Variants in DHX57 observed in about 807,000 individuals in gnomAD.
The protein encoded by DHX57 is putative ATP-dependent RNA helicase DHX57.
DHX57 carries 105 observed loss-of-function variants against 156.2 expected under a neutral mutation model. That is an observed-to-expected ratio of 0.67 (90% CI 0.57 to 0.79). The LOEUF (loss-of-function observed/expected upper bound fraction) is 0.79, where lower values mean the gene tolerates loss of function less well. DHX57 is among the 30% of genes least tolerant of loss of function. The pLI, the probability that DHX57 is intolerant of heterozygous loss-of-function variation, is 0.00. For synonymous variants in DHX57, 704 were observed against 595.6 expected (o/e 1.18, Z -2.65); for missense variants, 1,847 against 1,661.9 (o/e 1.11, Z -1.94).
rs566692609 is a variant in DHX57 at position 38,798,683 on chromosome 2, C to T, written c.4018-241G>A. Among the ~76,000 whole-genome samples, 8 of 152,308 alleles carry T rather than the reference C, an allele frequency of 5.3e-5. No individual in the cohort carries two copies. The East Asian group carries it at 9.6e-4, about 18-fold the overall frequency. On this transcript the variant is annotated intron_variant, in intron 23 of 23. Transcript: ENST00000457308. ...GATTCGGGCCAGGCGCAGTGGCTCA[C>T]GCCTGTAATCCCAGCACTTTGGGAG...
intron 19 of DHX57, chr2:38,816,037 T>C (rs1670531200): frequency 4.6e-6 from 2 of 435,898 alleles, no homozygotes; most frequent in Middle Eastern, 3.4e-4. Flanking sequence ...GCTGCGGCAC[T>C]GTCTACTACC....
chr2:38,860,942 G>T, intron 5 of DHX57, 57 bp downstream of exon 5: 2 of 1,485,606 alleles, frequency 1.3e-6, no homozygotes, highest in South Asian at 2.5e-5. Context: ...TAAAGGCTTT[G>T]ACTTCTAAAC....
intron 11 of DHX57, among the ~76,000 whole-genome samples, chr2:38,844,043 T>A (rs965643998): frequency 2.0e-5 from 3 of 152,096 alleles, no homozygotes; most frequent in East Asian, 1.9e-4. Context: ...TGTAGCTTTT[T>A]AAAAAAAAGA....
intron 14 of DHX57, among the ~76,000 whole-genome samples, chr2:38,827,110 G>A (rs1671123811): frequency 6.6e-6 from 1 of 151,154 alleles, no homozygotes; most frequent in Non-Finnish European, 1.5e-5. Context: ...CAGCTTGGGC[G>A]ACAATAGTGA....
At chr2:38,857,027 T>G (rs1467353630) in intron 6 of DHX57, 1 of 153,620 alleles carries the variant, frequency 6.5e-6, no homozygotes, top group Non-Finnish European at 1.5e-5. Context: ...TATCCAGTTC[T>G]TCCCAACAAG....
intron 6 of DHX57, chr2:38,856,868 A>G (rs766207259): frequency 2.0e-5 from 3 of 153,590 alleles, no homozygotes; most frequent in African/African-American, 7.3e-5. Flanking sequence ...CCTTTGTTGG[A>G]TTTGTTGGGA....
At position 38,825,986 on chromosome 2, in the gene DHX57, G is replaced by C. The variant is rs760596871; in HGVS notation, c.2875C>G (p.Leu959Val). Residue 959 changes from leucine to valine, a missense_variant, in exon 16 of 24, where the codon CTA becomes GTA. Transcript: ENST00000457308. ...EDTFVSQANA[L>V]QRKGRAGRVA... is the part of the protein sequence containing the mutation. ...CGGCCTGCTCGGCCTTTCCTTTGTA[G>C]AGCATTAGCTTGAGATACAAAGGTG... 1.2e-6 allele frequency: 2 copies of C among 1,614,198 alleles called. No individual in the cohort carries two copies. Among genetic ancestry groups the C allele is most frequent in the South Asian group, 1.1e-5 (1 of 91,082 alleles).
chr2:38,817,712 T>C (rs1321686562), intron 19 of DHX57, among the ~76,000 whole-genome samples: 2 of 152,120 alleles, frequency 1.3e-5, no homozygotes, highest in African/African-American at 4.8e-5. Flanking sequence ...ATTTTTATTT[T>C]TTGAGGCAGG....
intron 3 of DHX57, 98 bp downstream of exon 3, chr2:38,863,263 G>T: frequency 8.0e-7 from 1 of 1,253,392 alleles, no homozygotes; most frequent in South Asian, 1.6e-5. Flanking sequence ...GGCCACAATA[G>T]AATCAGTACT....
chr2:38,871,872 T>G (rs897346436), intron 1 of DHX57, among the ~76,000 whole-genome samples: 1 of 152,018 alleles, frequency 6.6e-6, no homozygotes, highest in Non-Finnish European at 1.5e-5. Flanking sequence ...GGCTAAGTTT[T>G]TGTTTTTTTG....
At chr2:38,866,950 C>T (rs757551025) in intron 2 of DHX57, among the ~76,000 whole-genome samples, 1 of 152,204 alleles carries the variant, frequency 6.6e-6, no homozygotes, top group African/African-American at 2.4e-5. Flanking sequence ...CCTTCACATT[C>T]ACTCACCACT....
At chr2:38,867,153 G>C (rs748044936) in intron 2 of DHX57, 3 of 152,186 alleles carry the variant, frequency 2.0e-5, no homozygotes, top group African/African-American at 7.2e-5. Context: ...GCAACATGCT[G>C]TATAGATTTG....
chr2:38,836,052 G>C (rs1230375317), intron 13 of DHX57, among the ~76,000 whole-genome samples: 1 of 152,224 alleles, frequency 6.6e-6, no homozygotes, highest in Non-Finnish European at 1.5e-5. Flanking sequence ...AGCAGTGCCA[G>C]CAAACACATT....
At chr2:38,857,349 A>G (rs1325426233) in intron 6 of DHX57, among the ~76,000 whole-genome samples, 2 of 152,190 alleles carry the variant, frequency 1.3e-5, no homozygotes, top group Non-Finnish European at 2.9e-5. Flanking sequence ...TCAATTTCAT[A>G]TTTAATGGCC....
At chr2:38,834,770 C>G (rs1215586240) in intron 13 of DHX57, among the ~76,000 whole-genome samples, 3 of 152,058 alleles carry the variant, frequency 2.0e-5, no homozygotes, top group Non-Finnish European at 1.5e-5. Context: ...CTGCCATTTC[C>G]AGATAAATGA....
chr2:38,860,402 T>A lies in DHX57; in HGVS notation c.1411+597A>T, dbSNP rs1427067000. ...AGTCAGAGGTTGCAGTGAGCTGAGA[T>A]CATACCACTGCACTCCAGCTTGGGG... On this transcript the variant is annotated intron_variant, in intron 5 of 23. Coordinates refer to ENST00000457308, the MANE Select transcript of DHX57 (RefSeq NM_198963.3). Among the ~76,000 whole-genome samples the A allele has an allele frequency of 1.3e-5, 2 of 152,062 alleles. 1 individual carries two copies. The highest frequency in any genetic ancestry group is 4.1e-4 in the South Asian group (2 of 4,822).
At chr2:38,847,145 A>G (rs1284231508) in intron 10 of DHX57, 72 bp from the exon 11 acceptor site, 1 of 1,217,530 alleles carries the variant, frequency 8.2e-7, no homozygotes, top group East Asian at 2.5e-5. Context: ...GTTTATATAT[A>G]TAAAATTCTC....
chr2:38,823,389 A>G, intron 16 of DHX57, 120 bp from the exon 17 acceptor site: 2 of 1,050,194 alleles, frequency 1.9e-6, no homozygotes, highest in Non-Finnish European at 2.7e-6. Context: ...TTAAAATCTC[A>G]TGTTTTCTAC....
In DHX57 at chr2:38,823,168, C is replaced by T. The variant is rs1435617703; in HGVS notation, c.3116G>A (p.Arg1039Gln). Residue 1039 changes from arginine to glutamine, a missense_variant, in exon 17 of 24, where the codon CGA becomes CAA. By Grantham distance (43) the Arg-to-Gln change is conservative. Coordinates refer to ENST00000457308, the MANE Select transcript of DHX57 (RefSeq NM_198963.3). ...HTDSLRASKI[R>Q]LRDLGALTPD... is the part of the protein sequence containing the mutation. ...AGTTAATGCTCCTAAGTCTCGTAAT[C>T]GTATTTTTGAGGCACGAAGAGAATC... 1 of 1,613,966 alleles carries T rather than the reference C, an allele frequency of 6.2e-7. No individual in the cohort carries two copies. The highest frequency in any genetic ancestry group is 8.5e-7 in the Non-Finnish European group (1 of 1,180,030).
Sources: gnomAD v4.1 joint callset for allele counts (sites outside exome capture counted in the v4.1 genomes callset) on GRCh38, gnomAD v4.1.1 for gene constraint, MANE v1.5 for transcripts, NCBI Gene and HGNC (gene_info 2026-07-23, HGNC 2026-07-21) for gene names.